The following PIP5K1B variants were observed in gnomAD, a reference collection of about 807,000 sequenced individuals.
PIP5K1B encodes phosphatidylinositol-4-phosphate 5-kinase type 1 beta.
PIP5K1B carries 42 observed loss-of-function variants against 67.0 expected under a neutral mutation model. The ratio of observed to expected loss-of-function variants is 0.63; its 90% confidence interval spans 0.49 to 0.81. The LOEUF is 0.81. Among genes scored for constraint, PIP5K1B ranks in the 30% least tolerant of loss-of-function variants. The probability of loss-of-function intolerance (pLI) is 0.00; values close to 1 mark genes in which losing one functional copy is unlikely to be tolerated. For synonymous variants in PIP5K1B, 214 were observed against 231.4 expected (o/e 0.92, Z 0.68); for missense variants, 459 against 646.3 (o/e 0.71, Z 3.14).
rs560644578 is a variant in PIP5K1B, at chr9:68,709,555, CACTATGATT to C, written c.-243+3794_-243+3802del. ...GCCAAAATGTTTGTTTTTATCTATT[CACTATGATT>C]CTTCTGGCTTATGTGCATCACCAGA... On this transcript the variant is annotated intron_variant, in intron 1 of 15. Coordinates refer to ENST00000265382, the MANE Select transcript of PIP5K1B (RefSeq NM_003558.4). 3.8e-3 allele frequency among the ~76,000 whole-genome samples: 584 copies of C among 152,244 alleles called. 1 individual carries two copies. Among genetic ancestry groups the C allele is most frequent in the Non-Finnish European group, 4.5e-3 (307 of 68,024 alleles).
At chr9:69,006,778 A>G (rs1831104565) in intron 15 of PIP5K1B, among the ~76,000 whole-genome samples, 1 of 152,246 alleles carries the variant, frequency 6.6e-6, no homozygotes, top group African/African-American at 2.4e-5. Flanking sequence ...GAACGAGGAA[A>G]GCAAAACTAT....
chr9:68,954,566 T>C (rs963281025), intron 14 of PIP5K1B, among the ~76,000 whole-genome samples: 8 of 152,234 alleles, frequency 5.3e-5, no homozygotes, highest in Admixed American at 2.6e-4. Flanking sequence ...TGATTGTGTG[T>C]GGACAAGTTG....
rs71353097 is a variant in PIP5K1B, at chr9:68,989,094, CAAAAAA to C, written c.1503-2025_1503-2020del. 2.3e-4 allele frequency among the ~76,000 whole-genome samples: 13 copies of C among 55,996 alleles called. No homozygotes were observed. In the East Asian group the frequency reaches 6.7e-3, roughly 29 times the overall value. The allele number at this position is 55,996 out of a possible 152,430, so 36.7% of individuals were successfully genotyped here. ...TGGCTGACAGAGCAAGACTCCGTCT[CAAAAAA>C]AAAAAAAAAAAAAAAAAAAATCCAC... On this transcript the variant is annotated intron_variant, in intron 14 of 15. Transcript: ENST00000265382.
At chr9:68,948,645 C>CAA (rs35143149) in intron 14 of PIP5K1B, among the ~76,000 whole-genome samples, 90,157 of 144,078 alleles carry the variant, frequency 0.63, 31,637 homozygotes, top group Non-Finnish European at 0.78. Context: ...GACCTTGCCT[C>CAA]AAAAAAAAAA....
intron 8 of PIP5K1B, among the ~76,000 whole-genome samples, chr9:68,902,884 A>C (rs1047022557): frequency 6.6e-6 from 1 of 152,230 alleles, no homozygotes; most frequent in Non-Finnish European, 1.5e-5. Context: ...AAATCTAATA[A>C]AGCAGTTTGG....
chr9:68,938,760 C>T (rs969827946), intron 13 of PIP5K1B, among the ~76,000 whole-genome samples: 37 of 151,966 alleles, frequency 2.4e-4, no homozygotes, highest in Admixed American at 6.6e-5. Context: ...GGTGGAGATC[C>T]CTGCTTCTTT....
chr9:68,875,359 A>G (rs1189410254), intron 5 of PIP5K1B, among the ~76,000 whole-genome samples: 1 of 144,988 alleles, frequency 6.9e-6, no homozygotes, highest in Admixed American at 7.0e-5. Context: ...AGGAAAAACT[A>G]GTTGCGTTGG....
intron 4 of PIP5K1B, chr9:68,824,233 G>A: frequency 1.9e-6 from 1 of 518,786 alleles, no homozygotes. Flanking sequence ...TTCTCAATCA[G>A]CATCAAGATG....
intron 5 of PIP5K1B, among the ~76,000 whole-genome samples, chr9:68,874,920 A>G (rs920442209): frequency 2.0e-5 from 3 of 152,082 alleles, no homozygotes; most frequent in Non-Finnish European, 2.9e-5. Context: ...TTTACCCTTT[A>G]TTTCTATATG....
chr9:68,957,937 A>C (rs769019241), intron 14 of PIP5K1B, among the ~76,000 whole-genome samples: 3 of 151,712 alleles, frequency 2.0e-5, no homozygotes, highest in Non-Finnish European at 2.9e-5. Flanking sequence ...GCAGTGGTGC[A>C]ATCTCAGCTC....
chr9:68,828,323 G>T (rs974703725), intron 4 of PIP5K1B, among the ~76,000 whole-genome samples: 7 of 152,226 alleles, frequency 4.6e-5, no homozygotes, highest in Non-Finnish European at 1.0e-4. Flanking sequence ...TGGCACCGAG[G>T]CCTCGCCTAC....
chr9:68,896,349 GAA>G (rs34939621), intron 8 of PIP5K1B, among the ~76,000 whole-genome samples: 60 of 137,838 alleles, frequency 4.4e-4, no homozygotes, highest in East Asian at 1.3e-3. Flanking sequence ...TTCTCTGCCA[GAA>G]AAAAAAAAAA....
intron 1 of PIP5K1B, among the ~76,000 whole-genome samples, chr9:68,722,906 A>C (rs971157315): frequency 6.6e-6 from 1 of 152,094 alleles, no homozygotes; most frequent in Non-Finnish European, 1.5e-5. Context: ...TTTCCCATCT[A>C]TCTGTGTTTT....
intron 2 of PIP5K1B, among the ~76,000 whole-genome samples, chr9:68,772,594 T>C (rs1830720135): frequency 6.6e-6 from 1 of 152,164 alleles, no homozygotes; most frequent in Non-Finnish European, 1.5e-5. Flanking sequence ...TCTGCCCCAG[T>C]GCCCATCTCT....
chr9:68,883,911 C>G (rs1301848612), intron 6 of PIP5K1B, among the ~76,000 whole-genome samples: 1 of 152,124 alleles, frequency 6.6e-6, no homozygotes, highest in Non-Finnish European at 1.5e-5. Flanking sequence ...AAAGGATAGT[C>G]TCTTTAAGAA....
intron 2 of PIP5K1B, chr9:68,783,194 G>C (rs2132466771): frequency 6.0e-6 from 1 of 167,052 alleles, no homozygotes; most frequent in Middle Eastern, 3.4e-3. Flanking sequence ...GATTTCTTTA[G>C]CCTCAGATAG....
chr9:68,767,634 A>G (rs1830497905), intron 2 of PIP5K1B, among the ~76,000 whole-genome samples: 1 of 151,648 alleles, frequency 6.6e-6, no homozygotes, highest in Non-Finnish European at 1.5e-5. Context: ...TAATTTAGCA[A>G]TGCATTAAAT....
chr9:68,729,922 G>C (rs1032787427), intron 1 of PIP5K1B, among the ~76,000 whole-genome samples: 2 of 151,246 alleles, frequency 1.3e-5, no homozygotes, highest in South Asian at 4.2e-4. Context: ...GGGAAAATAA[G>C]TCAAAGGAGA....
chr9:68,850,093 C>T (rs1408907527), intron 4 of PIP5K1B, among the ~76,000 whole-genome samples: 1 of 152,170 alleles, frequency 6.6e-6, no homozygotes, highest in African/African-American at 2.4e-5. Flanking sequence ...GCAGGGTATT[C>T]AGGGGCCTAG....
Sources: allele counts gnomAD v4.1 joint callset (sites outside exome capture counted in the v4.1 genomes callset), GRCh38; gene constraint gnomAD v4.1.1; transcripts MANE v1.5; gene names NCBI Gene and HGNC (gene_info 2026-07-23, HGNC 2026-07-21).